Variants in SCHIP1 observed in about 807,000 individuals in gnomAD.
The protein encoded by SCHIP1 is schwannomin interacting protein 1, also known as schwannomin-interacting protein 1.
SCHIP1 carries 8 observed loss-of-function variants against 29.7 expected under a neutral mutation model. The ratio of observed to expected loss-of-function variants is 0.27; its 90% CI spans 0.16 to 0.49. The LOEUF (loss-of-function observed/expected upper bound fraction) is 0.49, where lower values mean the gene tolerates loss of function less well. Ranked by LOEUF, SCHIP1 falls within the 20% of genes least tolerant of loss-of-function variation. The pLI is 0.99. For synonymous variants in SCHIP1, 76 were observed against 94.9 expected, an observed-to-expected ratio of 0.80 and a Z score of 1.16; for missense variants, 193 against 294.6, an observed-to-expected ratio of 0.66 and a Z score of 2.52.
At chr3:159,681,730 T>C in the SCHIP1 span, among the ~76,000 whole-genome samples, 1 of 152,266 alleles carries the variant, frequency 6.6e-6, no homozygotes, top group Non-Finnish European at 1.5e-5. Flanking sequence ...GGACCTCTTA[T>C]CAGTTGGACT....
the SCHIP1 span, among the ~76,000 whole-genome samples, chr3:159,473,855 G>A: frequency 6.6e-6 from 1 of 152,084 alleles, no homozygotes; most frequent in East Asian, 1.9e-4. Context: ...AAACAGGTAT[G>A]CCTAATATTT....
the SCHIP1 span, among the ~76,000 whole-genome samples, chr3:159,455,552 G>A: frequency 6.6e-6 from 1 of 152,196 alleles, no homozygotes; most frequent in Admixed American, 6.6e-5. Context: ...TAAGAAGCTG[G>A]GGAGAAAAAT....
chr3:159,556,839 G>A, the SCHIP1 span, among the ~76,000 whole-genome samples: 1 of 149,722 alleles, frequency 6.7e-6, no homozygotes, highest in South Asian at 2.1e-4. Context: ...TAATGGTGCA[G>A]CACACCAGCA....
At chr3:159,502,884 C>T in the SCHIP1 span, among the ~76,000 whole-genome samples, 2 of 152,144 alleles carry the variant, frequency 1.3e-5, no homozygotes, top group Non-Finnish European at 2.9e-5. Context: ...CCAACTGGCC[C>T]CTGCAGGATT....
the SCHIP1 span, among the ~76,000 whole-genome samples, chr3:159,474,527 T>A: frequency 2.0e-5 from 3 of 152,172 alleles, no homozygotes; most frequent in Non-Finnish European, 4.4e-5. Flanking sequence ...CAAAACTTAT[T>A]ATTTCAAAAT....
the SCHIP1 span, among the ~76,000 whole-genome samples, chr3:159,695,103 C>T: frequency 6.6e-6 from 1 of 152,160 alleles, no homozygotes; most frequent in Non-Finnish European, 1.5e-5. Flanking sequence ...ATAGATCCAA[C>T]AAATATTTAT....
chr3:159,452,264 G>T, the SCHIP1 span, among the ~76,000 whole-genome samples: 3 of 151,652 alleles, frequency 2.0e-5, no homozygotes, highest in African/African-American at 7.3e-5. Flanking sequence ...AGCCCCACAT[G>T]AATTAGGTAT....
At chr3:159,853,416 A>C in intron 1 of SCHIP1, 1 of 699,538 alleles carries the variant, frequency 1.4e-6, no homozygotes, top group Non-Finnish European at 2.6e-6. Context: ...TGACATCATC[A>C]GTCAAGAATC....
At chr3:159,343,241 T>C in the SCHIP1 span, among the ~76,000 whole-genome samples, 1 of 152,246 alleles carries the variant, frequency 6.6e-6, no homozygotes, top group Admixed American at 6.5e-5. Context: ...TACTTAACCA[T>C]ACTCCTTCTC....
At chr3:159,314,263 C>T in the SCHIP1 span, among the ~76,000 whole-genome samples, 1 of 152,128 alleles carries the variant, frequency 6.6e-6, no homozygotes, top group Non-Finnish European at 1.5e-5. Context: ...TTGTCGTAAG[C>T]TTGAGAATAG....
the SCHIP1 span, among the ~76,000 whole-genome samples, chr3:159,650,973 A>G: frequency 2.0e-5 from 3 of 152,158 alleles, no homozygotes; most frequent in Non-Finnish European, 4.4e-5. Context: ...GTGTGACCTT[A>G]GGCAAATCAT....
the SCHIP1 span, among the ~76,000 whole-genome samples, chr3:159,751,979 G>A: frequency 3.3e-5 from 5 of 152,212 alleles, no homozygotes; most frequent in South Asian, 1.0e-3. Context: ...GGCTATTCTC[G>A]TGACAGTGAG....
the SCHIP1 span, among the ~76,000 whole-genome samples, chr3:159,447,021 C>G: frequency 6.6e-6 from 1 of 152,168 alleles, no homozygotes; most frequent in South Asian, 2.1e-4. Flanking sequence ...ACAACTCTTT[C>G]TGATATGAGT....
the SCHIP1 span, among the ~76,000 whole-genome samples, chr3:159,586,084 T>G: frequency 6.6e-6 from 1 of 152,166 alleles, no homozygotes; most frequent in East Asian, 1.9e-4. Flanking sequence ...AAGCTTTGGT[T>G]TTTCCTCAAC....
At chr3:159,596,927 C>T in the SCHIP1 span, among the ~76,000 whole-genome samples, 251 of 151,524 alleles carry the variant, frequency 1.7e-3, 2 homozygotes, top group Admixed American at 1.9e-3. Context: ...TGCACATGTG[C>T]CCTAGAACTT....
At chr3:159,738,935 G>A in the SCHIP1 span, among the ~76,000 whole-genome samples, 1 of 152,150 alleles carries the variant, frequency 6.6e-6, no homozygotes, top group Non-Finnish European at 1.5e-5. Flanking sequence ...GAGAAAATAG[G>A]CAATGCAAAG....
intron 1 of SCHIP1, among the ~76,000 whole-genome samples, chr3:159,859,736 C>G (rs1713817065): frequency 6.6e-6 from 1 of 152,220 alleles, no homozygotes; most frequent in Non-Finnish European, 1.5e-5. Flanking sequence ...ACAGAAGAAC[C>G]AACTCTGTGT....
chr3:159,632,964 T>C, the SCHIP1 span, among the ~76,000 whole-genome samples: 1 of 152,164 alleles, frequency 6.6e-6, no homozygotes, highest in Non-Finnish European at 1.5e-5. Flanking sequence ...TATCAGAAGG[T>C]TGACTCTAGA....
At chr3:159,588,056 A>C in the SCHIP1 span, among the ~76,000 whole-genome samples, 1 of 152,208 alleles carries the variant, frequency 6.6e-6, no homozygotes, top group Non-Finnish European at 1.5e-5. Context: ...TGTCTTCCAC[A>C]ATGGTTGAAC....
Sources: allele counts gnomAD v4.1 joint callset (sites outside exome capture counted in the v4.1 genomes callset), GRCh38; gene constraint gnomAD v4.1.1; transcripts MANE v1.5; gene names NCBI Gene and HGNC (gene_info 2026-07-23, HGNC 2026-07-21).